The following ADA2 variants were observed in gnomAD, a reference collection of about 807,000 sequenced individuals.
ADA2 encodes adenosine deaminase 2, also known as adenosine deaminase CECR1.
A neutral mutation model predicts 44.2 loss-of-function variants in ADA2; 29 were observed. The observed-to-expected ratio is 0.66, with a 90% CI of 0.49 to 0.89. The LOEUF is 0.89. Ranked by LOEUF, ADA2 falls within the 40% of genes least tolerant of loss-of-function variation. The probability of loss-of-function intolerance (pLI) is 0.00; values close to 1 mark genes in which losing one functional copy is unlikely to be tolerated. For missense variants in ADA2, 637 were observed against 644.8 expected, an observed-to-expected ratio of 0.99 and a Z score of 0.13; for synonymous variants, 215 against 234.9, an observed-to-expected ratio of 0.92 and a Z score of 0.77.
chr22:17,196,227 A>G (rs1284268803), intron 4 of ADA2, among the ~76,000 whole-genome samples: 4 of 151,314 alleles, frequency 2.6e-5, no homozygotes, highest in Non-Finnish European at 4.4e-5. Context: ...AGGCTGATGC[A>G]GGAGAATCAC....
chr22:17,192,511 C>A (rs2062131332), intron 4 of ADA2, among the ~76,000 whole-genome samples: 1 of 151,968 alleles, frequency 6.6e-6, no homozygotes, highest in African/African-American at 2.4e-5. Flanking sequence ...TGGGAGTGGG[C>A]AGGTGACAAG....
chr22:17,201,627 C>T (rs1230303381), intron 4 of ADA2, among the ~76,000 whole-genome samples: 1 of 152,146 alleles, frequency 6.6e-6, no homozygotes, highest in Non-Finnish European at 1.5e-5. Flanking sequence ...CATAAAACAC[C>T]CAAGGATCCT....
Position 17,179,666 on chromosome 22 carries a change from T to C in ADA2, c.*1817A>G, listed in dbSNP as rs1135909. ...AGGCACGGTATAGAGCCGAGGACAT[T>C]TGAGGAAGAAAGGGCCGCCGGGGTT... On this transcript the variant is annotated 3_prime_UTR_variant, in exon 10 of 10. Transcript: ENST00000399837. 0.29 allele frequency: 44,452 copies of C among 151,934 alleles called. 6,937 individuals carry two copies. The highest frequency in any genetic ancestry group is 0.38 in the African/African-American group (15,903 of 41,364). 9.4% of individuals were successfully genotyped at this position (151,934 alleles called of 1,614,324 possible).
chr22:17,182,670 G>C lies in ADA2; in HGVS notation c.1173C>G (p.His391Gln), dbSNP rs780182069. The change falls in exon 8 of 10, where the codon CAC becomes CAG. Residue 391 changes from histidine to glutamine, a missense_variant. Transcript: ENST00000399837. ...RIGHGFALSK[H>Q]PAVRTYSWKK... is the part of the protein sequence containing the mutation. ...TCCAGGAGTAAGTCCTGACTGCGGG[G>C]TGTTTGCTCAAAGCAAATCCATGGC... is the stretch of plus-strand genomic sequence containing the variant. The C allele has an allele frequency of 7.4e-6, 12 of 1,614,100 alleles. No homozygotes were observed. Among genetic ancestry groups the C allele is most frequent in the Non-Finnish European group, 9.3e-6 (11 of 1,180,028 alleles).
chr22:17,185,360 G>A (rs2062024252), intron 7 of ADA2, among the ~76,000 whole-genome samples: 1 of 151,964 alleles, frequency 6.6e-6, no homozygotes, highest in Non-Finnish European at 1.5e-5. Context: ...AGCTTGCAGT[G>A]AGTTGAGATC....
chr22:17,191,603 C>A (rs2062115190), intron 5 of ADA2, 80 bp downstream of exon 5: 2 of 1,445,436 alleles, frequency 1.4e-6, no homozygotes, highest in South Asian at 2.5e-5. Flanking sequence ...CCCCGCTTCT[C>A]ACCCCTCCCC....
intron 1 of ADA2, among the ~76,000 whole-genome samples, chr22:17,212,554 G>A (rs1189356434): frequency 8.5e-5 from 13 of 152,064 alleles, no homozygotes; most frequent in East Asian, 1.9e-4. Flanking sequence ...GATTACAGGC[G>A]TGAGTCACCA....
chr22:17,182,700 T>A lies in ADA2; in HGVS notation c.1143A>T (p.Arg381Ser), dbSNP rs759502049. 1.2e-6 allele frequency: 2 copies of A among 1,614,054 alleles called. No homozygotes were observed. Among genetic ancestry groups the A allele is most frequent in the Non-Finnish European group, 1.7e-6 (2 of 1,180,030 alleles). ...ILDALMLNTTRIGHGFALSKH... is the reference protein window; with the variant it reads ...ILDALMLNTTSIGHGFALSKH... ...TGCTCAAAGCAAATCCATGGCCGATTCTGGTAGTGTTCAGCATCAGAGCAT... is the reference window on the plus strand; with the variant it reads ...TGCTCAAAGCAAATCCATGGCCGATACTGGTAGTGTTCAGCATCAGAGCAT... The change falls in exon 8 of 10, where the codon AGA becomes AGT. Residue 381 changes from arginine to serine, a missense_variant. By Grantham distance (110) the Arg-to-Ser change is moderately radical. Transcript: ENST00000399837.
intron 2 of ADA2, among the ~76,000 whole-genome samples, chr22:17,208,058 C>T (rs1003558859): frequency 5.3e-5 from 8 of 152,064 alleles, no homozygotes; most frequent in Admixed American, 3.3e-4. Context: ...CTTATGCCTC[C>T]CAGCAACTGG....
chr22:17,217,590 T>C (rs1601471904), intron 1 of ADA2, among the ~76,000 whole-genome samples: 1 of 152,034 alleles, frequency 6.6e-6, no homozygotes, highest in East Asian at 1.9e-4. Flanking sequence ...GAGGCTGAGG[T>C]GGGCAGATCA....
At chr22:17,193,655 G>A (rs1451998012) in intron 4 of ADA2, among the ~76,000 whole-genome samples, 6 of 142,880 alleles carry the variant, frequency 4.2e-5, no homozygotes, top group South Asian at 2.3e-4. Context: ...GTGACAGAGC[G>A]AGACTCCACC....
At chr22:17,204,106 G>GCT (rs896895741) in intron 3 of ADA2, among the ~76,000 whole-genome samples, 13 of 151,226 alleles carry the variant, frequency 8.6e-5, no homozygotes, top group Non-Finnish European at 1.2e-4. Flanking sequence ...AGACCAAAAA[G>GCT]CTCTCTCTCT....
At chr22:17,203,354 G>A (rs1450543163) in intron 4 of ADA2, among the ~76,000 whole-genome samples, 3 of 152,196 alleles carry the variant, frequency 2.0e-5, no homozygotes, top group African/African-American at 7.2e-5. Flanking sequence ...GGGGGCAAAG[G>A]GCAGCACGGA....
chr22:17,188,140 A>G (rs1166168938), intron 7 of ADA2, among the ~76,000 whole-genome samples, 199 bp downstream of exon 7: 5 of 152,180 alleles, frequency 3.3e-5, no homozygotes. Context: ...GAGAAACTAG[A>G]AATAATACAT....
chr22:17,201,977 T>C (rs1460806744), intron 4 of ADA2, among the ~76,000 whole-genome samples: 3 of 141,886 alleles, frequency 2.1e-5, no homozygotes, highest in African/African-American at 5.3e-5. Context: ...CTTTTTTTTT[T>C]TTTTTTTTTT....
chr22:17,209,014 T>C (rs1214627317), intron 2 of ADA2, among the ~76,000 whole-genome samples: 1 of 151,834 alleles, frequency 6.6e-6, no homozygotes, highest in East Asian at 2.0e-4. Context: ...GGGATGCTAA[T>C]TATTTCATGT....
At chr22:17,199,871 G>A in intron 4 of ADA2, 1 of 747,632 alleles carries the variant, frequency 1.3e-6, no homozygotes, top group Non-Finnish European at 1.9e-6. Context: ...CCTGAGCTCA[G>A]GAGTTCCAGA....
intron 4 of ADA2, among the ~76,000 whole-genome samples, chr22:17,202,785 G>T (rs11704361): frequency 0.65 from 94,410 of 144,496 alleles, 30,369 homozygotes; most frequent in South Asian, 0.73. Flanking sequence ...TTTTTTTTTT[G>T]TGTGTGTGTG....
At chr22:17,185,533 C>G (rs2062026645) in intron 7 of ADA2, among the ~76,000 whole-genome samples, 1 of 152,146 alleles carries the variant, frequency 6.6e-6, no homozygotes, top group Non-Finnish European at 1.5e-5. Context: ...CATCTTGGAA[C>G]CTGTTAGGTC....
Sources: gnomAD v4.1 joint callset for allele counts (sites outside exome capture counted in the v4.1 genomes callset) on GRCh38, gnomAD v4.1.1 for gene constraint, MANE v1.5 for transcripts, NCBI Gene and HGNC (gene_info 2026-07-23, HGNC 2026-07-21) for gene names.